The following LITAF variants were observed in gnomAD, a reference collection of about 807,000 sequenced individuals.
The protein encoded by LITAF is lipopolysaccharide-induced tumor necrosis factor-alpha factor.
In LITAF, 9 loss-of-function variants were observed where a neutral mutation model predicts 14.5. That is an observed-to-expected ratio of 0.62 (90% CI 0.37 to 1.08). The LOEUF is 1.08. Among genes scored for constraint, LITAF ranks in the 50% least tolerant of loss-of-function variants. The pLI, the probability that LITAF is intolerant of heterozygous loss-of-function variation, is 0.01. For synonymous variants in LITAF, 98 were observed against 88.2 expected, an observed-to-expected ratio of 1.11 and a Z score of -0.62; for missense variants, 206 against 213.4, an observed-to-expected ratio of 0.97 and a Z score of 0.22.
chr16:11,568,673 G>GTTTTT lies in LITAF; in HGVS notation c.-5-11943_-5-11939dup, dbSNP rs374757371. On this transcript the variant is annotated intron_variant, in intron 1 of 3. Coordinates refer to ENST00000622633, the MANE Select transcript of LITAF (RefSeq NM_001136472.2). ...CTTGTGACACTGAAGGTACACCCTT[G>GTTTTT]TTTTTTTTTGTTTTTTTTTTTTTTG... 2.4e-4 allele frequency among the ~76,000 whole-genome samples: 28 copies of GTTTTT among 116,324 alleles called. 1 individual carries two copies. Among genetic ancestry groups the GTTTTT allele is most frequent in the Non-Finnish European group, 3.7e-4 (21 of 56,926 alleles). The allele number at this position is 116,324 out of a possible 152,430, so 76.3% of individuals were successfully genotyped here.
chr16:11,615,862 G>A (rs1164706762), intron 3 of LITAF, among the ~76,000 whole-genome samples: 1 of 152,130 alleles, frequency 6.6e-6, no homozygotes, highest in East Asian at 1.9e-4. Flanking sequence ...ATGACTCAGT[G>A]TGGGGGTACC....
intron 3 of LITAF, among the ~76,000 whole-genome samples, chr16:11,610,319 G>A (rs548530657): frequency 2.0e-5 from 3 of 152,326 alleles, no homozygotes; most frequent in East Asian, 1.9e-4. Flanking sequence ...AAGAATGTCC[G>A]GCAAGGGGTC....
chr16:11,608,163 T>C (rs913594947), intron 3 of LITAF, among the ~76,000 whole-genome samples: 10 of 152,190 alleles, frequency 6.6e-5, no homozygotes, highest in African/African-American at 2.4e-4. Flanking sequence ...AATTAGATCC[T>C]TGCGTCACAG....
upstream of LITAF, among the ~76,000 whole-genome samples, chr16:11,637,893 A>AC (rs2065144232): frequency 2.1e-5 from 2 of 93,846 alleles, 1 homozygote; most frequent in Non-Finnish European, 4.2e-5. Flanking sequence ...AAAAAAAAAA[A>AC]AAAACTATAT....
At chr16:11,579,422 C>T (rs1435198053) in intron 1 of LITAF, among the ~76,000 whole-genome samples, 1 of 151,326 alleles carries the variant, frequency 6.6e-6, no homozygotes, top group Admixed American at 6.6e-5. Flanking sequence ...CTGCAGTCCG[C>T]AGTCCGGCCT....
At chr16:11,556,228 C>A in intron 2 of LITAF, 1 of 537,336 alleles carries the variant, frequency 1.9e-6, no homozygotes, top group Non-Finnish European at 3.3e-6. Flanking sequence ...CACAAACTCC[C>A]ATTCTCAGAA....
chr16:11,611,715 T>C (rs1000803465), intron 3 of LITAF, among the ~76,000 whole-genome samples: 3 of 151,522 alleles, frequency 2.0e-5, no homozygotes, highest in Non-Finnish European at 4.4e-5. Flanking sequence ...CAGGCTGGAG[T>C]GCAGTGGTGC....
chr16:11,597,627 G>A (rs1350888834), intron 1 of LITAF, among the ~76,000 whole-genome samples: 2 of 152,144 alleles, frequency 1.3e-5, no homozygotes, highest in Non-Finnish European at 2.9e-5. Context: ...GGAGAGCTTA[G>A]AGCTTTCTAG....
chr16:11,591,929 C>A (rs2064849287), upstream of LITAF, among the ~76,000 whole-genome samples: 1 of 152,128 alleles, frequency 6.6e-6, no homozygotes, highest in Admixed American at 6.6e-5. Flanking sequence ...AACTGGATAT[C>A]CACATGTAGA....
At chr16:11,639,252 G>C (rs2065154789), upstream of LITAF, among the ~76,000 whole-genome samples, 1 of 152,052 alleles carries the variant, frequency 6.6e-6, no homozygotes, top group Non-Finnish European at 1.5e-5. Flanking sequence ...TAAATGGTTA[G>C]AGGGAGGAAT....
At chr16:11,566,483 G>T (rs2064451992) in intron 1 of LITAF, among the ~76,000 whole-genome samples, 2 of 152,214 alleles carry the variant, frequency 1.3e-5, no homozygotes, top group Non-Finnish European at 2.9e-5. Flanking sequence ...TTGGGAGCAG[G>T]CCAGACGTGG....
At chr16:11,629,068 C>G (rs945464520) in intron 3 of LITAF, 1 of 152,366 alleles carries the variant, frequency 6.6e-6, no homozygotes. Context: ...CTCGCCCTTC[C>G]GAAGTGCTGG....
At chr16:11,569,188 G>A (rs1342252166) in intron 1 of LITAF, among the ~76,000 whole-genome samples, 1 of 152,156 alleles carries the variant, frequency 6.6e-6, no homozygotes, top group Non-Finnish European at 1.5e-5. Flanking sequence ...TGGGAAAACT[G>A]AGGCCACTAA....
rs550462672 is a variant in LITAF at position 11,579,112 on chromosome 16, C to T, written c.-6+7774G>A. ...GCTGAGGCAGGAGAGTTGCTTGAAC[C>T]CGGGAGGCCAAGGTTGTAGTTAGCT... is the stretch of plus-strand genomic sequence containing the variant. On this transcript the variant is annotated intron_variant, in intron 1 of 3. Coordinates refer to ENST00000622633, the MANE Select transcript of LITAF (RefSeq NM_001136472.2). Among the ~76,000 whole-genome samples, 5 of 151,988 alleles carry T rather than the reference C, an allele frequency of 3.3e-5. No homozygotes were observed. In the East Asian group the frequency reaches 5.8e-4, roughly 18 times the overall value.
intron 3 of LITAF, among the ~76,000 whole-genome samples, chr16:11,552,044 A>C: frequency 6.6e-6 from 1 of 151,978 alleles, no homozygotes; most frequent in Middle Eastern, 3.2e-3. Flanking sequence ...TTAACACATG[A>C]CCTCAAGGAA....
intron 1 of LITAF, among the ~76,000 whole-genome samples, chr16:11,574,867 A>G (rs1448859640): frequency 9.4e-6 from 1 of 106,036 alleles, no homozygotes; most frequent in African/African-American, 4.3e-5. Context: ...CAGTGGCGTG[A>G]CCTTGGCTCA....
intron 1 of LITAF, among the ~76,000 whole-genome samples, chr16:11,566,300 T>G (rs1318422225): frequency 6.6e-6 from 1 of 152,150 alleles, no homozygotes; most frequent in African/African-American, 2.4e-5. Context: ...AATGTCCCAG[T>G]CTCCCTTGGA....
intron 3 of LITAF, among the ~76,000 whole-genome samples, chr16:11,617,615 C>G (rs528696542): frequency 6.6e-6 from 1 of 151,006 alleles, no homozygotes; most frequent in Non-Finnish European, 1.5e-5. Context: ...TTAGTAGAGA[C>G]GGGGTTTCAC....
At chr16:11,576,712 G>T (rs1400768963) in intron 1 of LITAF, among the ~76,000 whole-genome samples, 1 of 152,100 alleles carries the variant, frequency 6.6e-6, no homozygotes, top group Non-Finnish European at 1.5e-5. Flanking sequence ...TGAGGACTTG[G>T]ACACCAGCAG....
Sources: allele counts gnomAD v4.1 joint callset (sites outside exome capture counted in the v4.1 genomes callset), GRCh38; gene constraint gnomAD v4.1.1; transcripts MANE v1.5; gene names NCBI Gene and HGNC (gene_info 2026-07-23, HGNC 2026-07-21).